SPOCK1: variants seen among roughly 807,000 people sequenced by gnomAD.
The protein encoded by SPOCK1 is testican-1.
A neutral mutation model predicts 55.3 loss-of-function variants in SPOCK1; 23 were observed. The observed-to-expected ratio is 0.42, with a 90% CI of 0.30 to 0.59. The LOEUF is 0.59. Among genes scored for constraint, SPOCK1 ranks in the 20% least tolerant of loss-of-function variants. The pLI is 0.22. For synonymous variants in SPOCK1, 226 were observed against 221.0 expected, an observed-to-expected ratio of 1.02 and a Z score of -0.20; for missense variants, 499 against 552.5, an observed-to-expected ratio of 0.90 and a Z score of 0.97.
intron 2 of SPOCK1, among the ~76,000 whole-genome samples, chr5:137,310,659 C>T (rs1259101138): frequency 1.3e-5 from 2 of 152,190 alleles, no homozygotes; most frequent in Non-Finnish European, 2.9e-5. Context: ...TGCCCTGTTC[C>T]ACTCAAACAA....
At chr5:137,017,318 A>G (rs563612688) in intron 6 of SPOCK1, among the ~76,000 whole-genome samples, 1 of 152,330 alleles carries the variant, frequency 6.6e-6, no homozygotes, top group South Asian at 2.1e-4. Flanking sequence ...GCTATTGGCT[A>G]CCAATTAAGA....
intron 2 of SPOCK1, among the ~76,000 whole-genome samples, chr5:137,476,463 A>C (rs1753840223): frequency 6.6e-6 from 1 of 152,208 alleles, no homozygotes; most frequent in African/African-American, 2.4e-5. Flanking sequence ...GAATATCTAG[A>C]AGGTGGAAGG....
chr5:137,303,022 TC>T (rs1302210720), intron 2 of SPOCK1, among the ~76,000 whole-genome samples: 11 of 152,248 alleles, frequency 7.2e-5, no homozygotes, highest in South Asian at 4.2e-4. Context: ...CAAAACCAGC[TC>T]AGAGAGGTTT....
intron 2 of SPOCK1, among the ~76,000 whole-genome samples, chr5:137,285,051 T>C (rs1757236530): frequency 6.6e-6 from 1 of 152,204 alleles, no homozygotes; most frequent in Non-Finnish European, 1.5e-5. Flanking sequence ...CACAGTTCGA[T>C]ATGTGAATTG....
intron 5 of SPOCK1, among the ~76,000 whole-genome samples, chr5:137,079,248 T>A (rs1199318614): frequency 1.3e-5 from 2 of 152,222 alleles, no homozygotes; most frequent in Non-Finnish European, 2.9e-5. Flanking sequence ...TTCACTTGGT[T>A]AGCCCCAGTG....
chr5:137,476,131 T>C (rs887818575), intron 2 of SPOCK1, among the ~76,000 whole-genome samples: 6 of 152,058 alleles, frequency 3.9e-5, no homozygotes. Context: ...CATTATTTCA[T>C]CATCCAGGTA....
At chr5:137,186,316 C>T (rs1020419872) in intron 3 of SPOCK1, among the ~76,000 whole-genome samples, 2 of 152,174 alleles carry the variant, frequency 1.3e-5, no homozygotes, top group Non-Finnish European at 1.5e-5. Flanking sequence ...CTTTTATGAG[C>T]CACCCTTCCC....
intron 4 of SPOCK1, among the ~76,000 whole-genome samples, chr5:137,138,708 C>T (rs1157439723): frequency 6.7e-6 from 1 of 150,344 alleles, no homozygotes; most frequent in African/African-American, 2.4e-5. Context: ...ATAACCCCCC[C>T]CCCCCAAAAA....
rs202077533 is a variant in SPOCK1 at position 137,007,232 on chromosome 5, C to T, written c.590-14632G>A. 2.6e-5 allele frequency among the ~76,000 whole-genome samples: 4 copies of T among 152,058 alleles called. No homozygotes were observed. In the East Asian group the frequency reaches 7.7e-4, roughly 29 times the overall value. ...ATACCATTCAGGACATAGGCATAGG[C>T]AAAGACTTCATGACTAAAACACCAA... On this transcript the variant is annotated intron_variant, in intron 6 of 10. Transcript: ENST00000394945.
chr5:137,026,732 A>G (rs6875046), intron 6 of SPOCK1, among the ~76,000 whole-genome samples: 129,118 of 152,204 alleles, frequency 0.85, 55,295 homozygotes, highest in South Asian at 0.95. Context: ...CCTGGAGCAC[A>G]GTCAATCCAA....
chr5:137,354,759 C>T (rs1750755098), intron 2 of SPOCK1, among the ~76,000 whole-genome samples: 1 of 152,162 alleles, frequency 6.6e-6, no homozygotes, highest in African/African-American at 2.4e-5. Context: ...AGCTGTGTTC[C>T]TCATTCCCTG....
chr5:137,067,904 A>G, intron 5 of SPOCK1, 75 bp from the exon 6 acceptor site: 1 of 1,241,638 alleles, frequency 8.1e-7, no homozygotes, highest in South Asian at 1.2e-5. Context: ...AAGAAACAGC[A>G]GTGCCCTTTG....
chr5:137,115,777 A>C (rs551691866), intron 4 of SPOCK1, among the ~76,000 whole-genome samples: 5 of 152,198 alleles, frequency 3.3e-5, no homozygotes, highest in Non-Finnish European at 4.4e-5. Flanking sequence ...GAGGCCAAGT[A>C]TGTAAAGTTA....
chr5:137,484,172 G>A (rs758125814), intron 2 of SPOCK1, among the ~76,000 whole-genome samples: 1 of 152,174 alleles, frequency 6.6e-6, no homozygotes, highest in African/African-American at 2.4e-5. Context: ...CCAGGAGCAG[G>A]GCATCCATCA....
At chr5:137,318,348 A>G (rs1318239504) in intron 2 of SPOCK1, among the ~76,000 whole-genome samples, 2 of 152,136 alleles carry the variant, frequency 1.3e-5, no homozygotes, top group Non-Finnish European at 2.9e-5. Context: ...ACTACCTGAG[A>G]AGAAAGAAAA....
At chr5:137,467,623 T>C (rs1368579942) in intron 2 of SPOCK1, among the ~76,000 whole-genome samples, 2 of 152,208 alleles carry the variant, frequency 1.3e-5, no homozygotes, top group African/African-American at 4.8e-5. Flanking sequence ...AAGAATGTGA[T>C]CTGCTTGGGA....
Position 136,976,386 on chromosome 5 carries a change from G to A in SPOCK1, c.*2268C>T, listed in dbSNP as rs1750615942. ...TTCTCCATCATTAAGTTAATGCTAA[G>A]GATCTTTAAGTGTCATCTTAATTTG... On this transcript the variant is annotated 3_prime_UTR_variant, in exon 11 of 11. Transcript: ENST00000394945. 1 of 152,554 alleles carries A rather than the reference G, an allele frequency of 6.6e-6. No individual in the cohort carries two copies. Among genetic ancestry groups the A allele is most frequent in the Non-Finnish European group, 1.5e-5 (1 of 68,028 alleles). The allele number at this position is 152,554 out of a possible 1,614,324, so 9.5% of individuals were successfully genotyped here.
intron 5 of SPOCK1, among the ~76,000 whole-genome samples, chr5:137,109,683 G>A (rs1472502466): frequency 6.6e-6 from 1 of 151,916 alleles, no homozygotes; most frequent in Non-Finnish European, 1.5e-5. Context: ...TTCTCCACAG[G>A]GGCATCCTCA....
chr5:137,236,210 A>C (rs975896632), intron 3 of SPOCK1, among the ~76,000 whole-genome samples: 3 of 152,228 alleles, frequency 2.0e-5, no homozygotes, highest in Admixed American at 6.5e-5. Flanking sequence ...AGGTGGCCTA[A>C]GCTGCCAGTG....
Sources: gnomAD v4.1 joint callset for allele counts (sites outside exome capture counted in the v4.1 genomes callset) on GRCh38, gnomAD v4.1.1 for gene constraint, MANE v1.5 for transcripts, NCBI Gene and HGNC (gene_info 2026-07-23, HGNC 2026-07-21) for gene names.